LIN7A: variants seen among roughly 807,000 people sequenced by gnomAD.
The protein encoded by LIN7A is protein lin-7 homolog A.
In LIN7A, 25 loss-of-function variants were observed where a neutral mutation model predicts 29.8. The ratio of observed to expected loss-of-function variants is 0.84; its 90% CI spans 0.61 to 1.17. The LOEUF (loss-of-function observed/expected upper bound fraction) is 1.17. LIN7A is among the 50% of genes most tolerant of loss of function. The probability of loss-of-function intolerance (pLI) is 0.00; values close to 1 mark genes in which losing one functional copy is unlikely to be tolerated. For missense variants in LIN7A, 239 were observed against 287.0 expected, an observed-to-expected ratio of 0.83 and a Z score of 1.21; for synonymous variants, 118 against 107.5, an observed-to-expected ratio of 1.10 and a Z score of -0.60.
At chr12:80,924,716 G>C (rs1301569607) in intron 1 of LIN7A, among the ~76,000 whole-genome samples, 1 of 152,098 alleles carries the variant, frequency 6.6e-6, no homozygotes, top group South Asian at 2.1e-4. Context: ...TAAAAAGAAA[G>C]TTAAAAGTCA....
intron 5 of LIN7A, 23 bp downstream of exon 5, chr12:80,811,442 G>A: frequency 2.4e-6 from 2 of 822,952 alleles, no homozygotes; most frequent in Non-Finnish European, 4.0e-6. Context: ...TATACTCCTT[G>A]TATAGAATAA....
chr12:80,882,688 A>G (rs186370972), intron 2 of LIN7A, among the ~76,000 whole-genome samples: 7 of 152,260 alleles, frequency 4.6e-5, no homozygotes, highest in Admixed American at 4.6e-4. Flanking sequence ...ATTCTTAACT[A>G]TTATTTCTAA....
Position 80,792,608 on chromosome 12 carries a change from A to G in LIN7A, c.*5119T>C, listed in dbSNP as rs1870254576. 6.6e-6 allele frequency: 1 copy of G among 152,194 alleles called. No individual in the cohort carries two copies. Among genetic ancestry groups the G allele is most frequent in the South Asian group, 2.1e-4 (1 of 4,820 alleles). The allele number at this position is 152,194 out of a possible 1,614,324, so 9.4% of individuals were successfully genotyped here. On this transcript the variant is annotated 3_prime_UTR_variant, in exon 6 of 6. Coordinates refer to ENST00000552864, the MANE Select transcript of LIN7A (RefSeq NM_004664.4). ...CACAATTTTGCAGCTCTTTCAGAAA[A>G]ATAATGAAAACAATTGGAAAGACAT...
At chr12:80,804,418 C>A (rs1870872943) in intron 5 of LIN7A, among the ~76,000 whole-genome samples, 1 of 152,158 alleles carries the variant, frequency 6.6e-6, no homozygotes. Flanking sequence ...CCTCTATCTC[C>A]ATGGGCTCAA....
At chr12:80,842,007 A>T in intron 4 of LIN7A, 1 of 1,276,034 alleles carries the variant, frequency 7.8e-7, no homozygotes, top group Non-Finnish European at 1.0e-6. Context: ...TAGGTGGTTC[A>T]ATGTCTCATT....
At chr12:80,883,408 C>T (rs1188994139) in intron 2 of LIN7A, among the ~76,000 whole-genome samples, 2 of 152,178 alleles carry the variant, frequency 1.3e-5, no homozygotes, top group African/African-American at 2.4e-5. Flanking sequence ...CGTAATGCTA[C>T]TTCTCATATG....
chr12:80,935,773 A>C (rs777944872), intron 1 of LIN7A: 3 of 511,562 alleles, frequency 5.9e-6, no homozygotes, highest in Middle Eastern at 3.3e-4. Context: ...TTGTCTCCTG[A>C]GCTACTGCAT....
At chr12:80,925,779 A>T in intron 1 of LIN7A, among the ~76,000 whole-genome samples, 1 of 152,208 alleles carries the variant, frequency 6.6e-6, no homozygotes, top group Non-Finnish European at 1.5e-5. Context: ...AATGACTTCT[A>T]GTGCAATAGA....
intron 1 of LIN7A, 89 bp from the exon 2 acceptor site, chr12:80,889,458 T>C: frequency 3.7e-6 from 3 of 816,738 alleles, no homozygotes; most frequent in Non-Finnish European, 4.0e-6. Context: ...GATGATGACA[T>C]TGAAAAGCAA....
chr12:80,874,503 A>G (rs1338042005), intron 2 of LIN7A, among the ~76,000 whole-genome samples: 1 of 152,250 alleles, frequency 6.6e-6, no homozygotes, highest in African/African-American at 2.4e-5. Context: ...AATAACAAAT[A>G]TATGAGAAAA....
chr12:80,883,050 C>A (rs1037315823), intron 2 of LIN7A, among the ~76,000 whole-genome samples: 9 of 150,334 alleles, frequency 6.0e-5, no homozygotes, highest in Admixed American at 4.7e-4. Context: ...ACTTCCCTCC[C>A]TCCCTCCTTC....
intron 2 of LIN7A, among the ~76,000 whole-genome samples, chr12:80,888,418 G>A (rs1191484301): frequency 4.6e-5 from 7 of 152,110 alleles, no homozygotes; most frequent in Non-Finnish European, 1.0e-4. Context: ...AGTAACACAA[G>A]CATTCATTGG....
At chr12:80,892,267 A>C (rs1316305237) in intron 1 of LIN7A, among the ~76,000 whole-genome samples, 1 of 152,220 alleles carries the variant, frequency 6.6e-6, no homozygotes, top group Non-Finnish European at 1.5e-5. Context: ...AATGCAGAAT[A>C]CCTAACAAAT....
intron 1 of LIN7A, among the ~76,000 whole-genome samples, chr12:80,913,326 C>T (rs78940005): frequency 0.011 from 1,629 of 152,342 alleles, 27 homozygotes; most frequent in African/African-American, 0.033. Context: ...CTGGTGATGA[C>T]GCTTTTCAGC....
chr12:80,880,775 A>ACG (rs1491447275), intron 2 of LIN7A, among the ~76,000 whole-genome samples: 1 of 81,868 alleles, frequency 1.2e-5, no homozygotes. Flanking sequence ...ACACACACAC[A>ACG]TACACACACA....
chr12:80,922,522 C>T (rs1002998091), intron 1 of LIN7A, among the ~76,000 whole-genome samples: 2 of 152,156 alleles, frequency 1.3e-5, no homozygotes, highest in Admixed American at 1.3e-4. Context: ...GAAAGGTAAC[C>T]TGAATGTCAC....
intron 2 of LIN7A, among the ~76,000 whole-genome samples, chr12:80,870,449 G>C (rs994212067): frequency 1.1e-4 from 17 of 152,156 alleles, no homozygotes; most frequent in African/African-American, 3.1e-4. Flanking sequence ...GGAACTGATA[G>C]ACATACAAAT....
intron 1 of LIN7A, among the ~76,000 whole-genome samples, chr12:80,919,969 A>G (rs149741113): frequency 2.0e-3 from 297 of 152,180 alleles, no homozygotes; most frequent in African/African-American, 7.0e-3. Flanking sequence ...AAGAGACAGA[A>G]TCTCTCGGTG....
At chr12:80,882,032 T>C (rs1229323352) in intron 2 of LIN7A, among the ~76,000 whole-genome samples, 2 of 152,142 alleles carry the variant, frequency 1.3e-5, no homozygotes, top group African/African-American at 4.8e-5. Flanking sequence ...TCTCTTTCTA[T>C]GCTGGTTGCC....
Sources: allele counts gnomAD v4.1 joint callset (sites outside exome capture counted in the v4.1 genomes callset), GRCh38; gene constraint gnomAD v4.1.1; transcripts MANE v1.5; gene names NCBI Gene and HGNC (gene_info 2026-07-23, HGNC 2026-07-21).